GPC5: variants seen among roughly 807,000 people sequenced by gnomAD.
GPC5 encodes the protein glypican 5.
GPC5 carries 47 observed loss-of-function variants against 53.9 expected under a neutral mutation model. That is an observed-to-expected ratio of 0.87 (90% confidence interval 0.69 to 1.11). GPC5 has a LOEUF of 1.11. Ranked by LOEUF, GPC5 falls within the 50% of genes most tolerant of loss-of-function variation. GPC5 has a pLI of 0.00. For missense variants in GPC5, 748 were observed against 713.1 expected (o/e 1.05, Z -0.56); for synonymous variants, 286 against 263.3 (o/e 1.09, Z -0.84).
intron 7 of GPC5, among the ~76,000 whole-genome samples, chr13:92,684,396 G>C (rs2139226398): frequency 6.6e-6 from 1 of 152,054 alleles, no homozygotes; most frequent in East Asian, 1.9e-4. Flanking sequence ...TCAGCCTCCT[G>C]AGCAGCTGGG....
chr13:92,712,917 G>C (rs2139272563), intron 7 of GPC5, among the ~76,000 whole-genome samples: 1 of 151,362 alleles, frequency 6.6e-6, no homozygotes, highest in African/African-American at 2.4e-5. Context: ...CCACAAACCA[G>C]GGAGAAAGGC....
chr13:91,466,081 A>G (rs1882218928), intron 2 of GPC5, among the ~76,000 whole-genome samples: 1 of 152,214 alleles, frequency 6.6e-6, no homozygotes, highest in Non-Finnish European at 1.5e-5. Context: ...CCTGAAGGCC[A>G]GGCCACGAGC....
intron 7 of GPC5, among the ~76,000 whole-genome samples, chr13:92,290,757 G>A (rs1027279022): frequency 5.9e-5 from 9 of 152,180 alleles, no homozygotes; most frequent in South Asian, 2.1e-4. Flanking sequence ...CGCTCTCGGC[G>A]CCTCCTCTGT....
chr13:92,630,050 C>T (rs1441596613), intron 7 of GPC5, among the ~76,000 whole-genome samples: 1 of 152,008 alleles, frequency 6.6e-6, no homozygotes, highest in Non-Finnish European at 1.5e-5. Flanking sequence ...GAAAGGAAGA[C>T]CAAAAGGGCA....
intron 6 of GPC5, among the ~76,000 whole-genome samples, chr13:92,075,523 A>G (rs772817949): frequency 5.9e-5 from 9 of 152,196 alleles, no homozygotes; most frequent in Non-Finnish European, 1.2e-4. Flanking sequence ...AGGTACGTTA[A>G]TTGTATTAAT....
At chr13:92,161,946 AATATATAGCCATATATATATATAT>A (rs2041990983) in intron 7 of GPC5, among the ~76,000 whole-genome samples, 1 of 102,504 alleles carries the variant, frequency 9.8e-6, no homozygotes, top group Non-Finnish European at 2.1e-5. Flanking sequence ...CCTATTAAGT[AATATATAGCCATATATATATATAT>A]ATATATATAT....
At chr13:92,063,835 G>T (rs1047924957) in intron 6 of GPC5, among the ~76,000 whole-genome samples, 1 of 152,110 alleles carries the variant, frequency 6.6e-6, no homozygotes, top group South Asian at 2.1e-4. Flanking sequence ...AATGAAAAAT[G>T]ATGCTCTTAG....
chr13:92,007,579 A>G (rs1260270597), intron 6 of GPC5, among the ~76,000 whole-genome samples: 2 of 152,096 alleles, frequency 1.3e-5, no homozygotes, highest in Non-Finnish European at 2.9e-5. Context: ...TATTAGATTT[A>G]TCTCGGTCTT....
At chr13:91,795,065 C>G (rs766491121) in intron 5 of GPC5, among the ~76,000 whole-genome samples, 8 of 152,054 alleles carry the variant, frequency 5.3e-5, no homozygotes, top group Non-Finnish European at 8.8e-5. Context: ...ATGGATGAAC[C>G]ACAGATGTCT....
At chr13:92,777,074 G>C (rs1437778554) in intron 7 of GPC5, among the ~76,000 whole-genome samples, 1 of 142,876 alleles carries the variant, frequency 7.0e-6, no homozygotes, top group Non-Finnish European at 1.5e-5. Flanking sequence ...GCTTAAGCCT[G>C]TAATCCTAGT....
At chr13:91,586,864 T>C (rs2032616265) in intron 2 of GPC5, among the ~76,000 whole-genome samples, 2 of 152,008 alleles carry the variant, frequency 1.3e-5, no homozygotes, top group South Asian at 4.2e-4. Flanking sequence ...TGGAAATATT[T>C]GGTAGATATG....
chr13:91,921,118 G>C (rs1302310004), intron 6 of GPC5, among the ~76,000 whole-genome samples: 3 of 151,578 alleles, frequency 2.0e-5, no homozygotes, highest in African/African-American at 7.3e-5. Context: ...TGTATTTTTA[G>C]TAGAGATGGG....
chr13:91,829,939 G>A (rs2038629885), intron 5 of GPC5, among the ~76,000 whole-genome samples: 1 of 152,092 alleles, frequency 6.6e-6, no homozygotes, highest in South Asian at 2.1e-4. Context: ...ACAGGACTGG[G>A]ATGAAATTAA....
intron 2 of GPC5, among the ~76,000 whole-genome samples, chr13:91,654,170 G>GGTGGATTCCTGGTTCCATATCT (rs1555334282): frequency 6.6e-6 from 1 of 152,072 alleles, no homozygotes; most frequent in Non-Finnish European, 1.5e-5. Flanking sequence ...GTTCCATATC[G>GGTGGATTCCTGGTTCCATATCT]GTGAATTCCT....
intron 7 of GPC5, among the ~76,000 whole-genome samples, chr13:92,197,664 A>AT (rs10710747): frequency 0.018 from 2,607 of 142,056 alleles, 58 homozygotes; most frequent in African/African-American, 0.058. Flanking sequence ...CATCTGGCTA[A>AT]TTTTTTTTTT....
At chr13:92,627,395 A>G (rs924518819) in intron 7 of GPC5, among the ~76,000 whole-genome samples, 5 of 152,218 alleles carry the variant, frequency 3.3e-5, no homozygotes, top group Admixed American at 6.5e-5. Context: ...TGCACTTTAC[A>G]CAGCTTTTCA....
chr13:92,024,795 A>C (rs1442198339), intron 6 of GPC5, among the ~76,000 whole-genome samples: 1 of 152,214 alleles, frequency 6.6e-6, no homozygotes. Context: ...ATACACATAA[A>C]TCATACATGT....
intron 6 of GPC5, among the ~76,000 whole-genome samples, chr13:91,946,473 C>CAA (rs374103154): frequency 2.0e-5 from 3 of 151,502 alleles, no homozygotes; most frequent in Non-Finnish European, 4.4e-5. Flanking sequence ...AACGCAATTT[C>CAA]AAAAAAAACG....
chr13:91,441,168 T>C (rs1880392826), intron 1 of GPC5, among the ~76,000 whole-genome samples: 1 of 152,234 alleles, frequency 6.6e-6, no homozygotes, highest in Non-Finnish European at 1.5e-5. Context: ...TCTAGGGCTT[T>C]CAAGTCTGTT....
Sources: allele counts gnomAD v4.1 joint callset (sites outside exome capture counted in the v4.1 genomes callset), GRCh38; gene constraint gnomAD v4.1.1; transcripts MANE v1.5; gene names NCBI Gene and HGNC (gene_info 2026-07-23, HGNC 2026-07-21).